ABCD4: variants seen among roughly 807,000 people sequenced by gnomAD.
The protein encoded by ABCD4 is lysosomal cobalamin transporter ABCD4.
In ABCD4, 53 loss-of-function variants were observed where a neutral mutation model predicts 86.3. The ratio of observed to expected loss-of-function variants is 0.61; its 90% CI spans 0.49 to 0.77. The LOEUF is 0.77. Among genes scored for constraint, ABCD4 ranks in the 30% least tolerant of loss-of-function variants. ABCD4 has a pLI of 0.00. For missense variants in ABCD4, 757 were observed against 764.5 expected, an observed-to-expected ratio of 0.99 and a Z score of 0.12; for synonymous variants, 328 against 313.6, an observed-to-expected ratio of 1.05 and a Z score of -0.49.
intron 6 of ABCD4, 21 bp downstream of exon 6, chr14:74,295,833 C>A: frequency 1.2e-6 from 2 of 1,613,320 alleles, no homozygotes; most frequent in Non-Finnish European, 1.7e-6. Context: ...AGCCCAGAAA[C>A]CTCAAGTGAG....
chr14:74,301,897 C>G (rs995532393), intron 1 of ABCD4, among the ~76,000 whole-genome samples: 10 of 151,332 alleles, frequency 6.6e-5, no homozygotes, highest in Admixed American at 1.3e-4. Context: ...AAAACTCCGT[C>G]TCAAAAGAAA....
rs1341721828 is a variant in ABCD4, at chr14:74,286,434, G to T, written c.*27C>A. 1 of 1,612,806 alleles carries T rather than the reference G, an allele frequency of 6.2e-7. No homozygotes were observed. The highest frequency in any genetic ancestry group is 2.2e-5 in the East Asian group (1 of 44,872). The stretch of plus-strand genomic sequence containing the variant: ...CTGAGGGCCGCCGACCCGCCACAGT[G>T]TGGCTCTCCTTCCAAAAGCCAGAGC... On this transcript the variant is annotated 3_prime_UTR_variant, in exon 19 of 19. Transcript: ENST00000356924.
At chr14:74,296,262 G>T in intron 5 of ABCD4, 71 bp downstream of exon 5, 1 of 1,468,016 alleles carries the variant, frequency 6.8e-7, no homozygotes, top group South Asian at 1.1e-5. Context: ...GCTTCTCTTG[G>T]ACCTTGACCT....
Position 74,287,813 on chromosome 14 carries a change from C to T in ABCD4, c.1633G>A (p.Ala545Thr), listed in dbSNP as rs754370477. The change falls in exon 17 of 19, where the codon GCA becomes ACA. Residue 545 changes from alanine to threonine, a missense_variant. Coordinates refer to ENST00000356924, the MANE Select transcript of ABCD4 (RefSeq NM_005050.4). ...ARLFYLQPKY[A>T]VLDEATSALT... ...CAGCCACAAGGCGAGACCTCACCTG[C>T]GTACTTCGGCTGCAGGTAGAAGAGT... 20 of 1,610,918 alleles carry T rather than the reference C, an allele frequency of 1.2e-5. No homozygotes were observed. Among genetic ancestry groups the T allele is most frequent in the Middle Eastern group, 3.3e-4 (2 of 6,076 alleles).
chr14:74,302,483 G>T (rs2084903658), intron 1 of ABCD4, among the ~76,000 whole-genome samples: 1 of 152,240 alleles, frequency 6.6e-6, no homozygotes, highest in African/African-American at 2.4e-5. Context: ...AGTGAAAGGG[G>T]TCTGGGAATA....
At position 74,293,217 on chromosome 14, in the gene ABCD4, G is replaced by C; in HGVS notation, c.751C>G (p.Arg251Gly). ...AGHVEHMRTD[R>G]RLQRLLQTQR... ...GTCTGAAGGAGTCTCTGCAGCCTGC[G>C]GTCTGTCCTCATGTGCTCCACATGC... is the stretch of plus-strand genomic sequence containing the variant. Residue 251 changes from arginine (R) to glycine (G), a missense_variant, in exon 8 of 19, where the codon CGC becomes GGC. Coordinates refer to ENST00000356924, the MANE Select transcript of ABCD4 (RefSeq NM_005050.4). The C allele has an allele frequency of 6.2e-7, 1 of 1,614,146 alleles. No homozygotes were observed. The highest frequency in any genetic ancestry group is 8.5e-7 in the Non-Finnish European group (1 of 1,180,036).
At chr14:74,289,584 C>T in intron 13 of ABCD4, 65 bp from the exon 14 acceptor site, 1 of 1,591,498 alleles carries the variant, frequency 6.3e-7, no homozygotes, top group South Asian at 1.1e-5. Flanking sequence ...GCACACAGCC[C>T]ACCCTCCCTC....
rs761542324 is a variant in ABCD4 at position 74,286,716 on chromosome 14, C to T, written c.1737G>A (p.Arg579=). ...GCACGGGTACCTTCTCAAGGCTCTG[C>T]CGATGTCCCACACTGATGAACGTCA... ...LGMTFISVGH[R]QSLEKFHSLV... Residue 579 remains arginine (R), a synonymous_variant, in exon 18 of 19, where the codon CGG becomes CGA. Transcript: ENST00000356924. The T allele has an allele frequency of 5.0e-5, 80 of 1,614,008 alleles. 2 individuals are homozygous for T. The South Asian group carries it at 8.5e-4, about 17-fold the overall frequency.
In ABCD4 at chr14:74,290,436, G is replaced by A. The variant is rs768762298; in HGVS notation, c.1182C>T (p.Ile394=). 27 of 1,614,010 alleles carry A rather than the reference G, an allele frequency of 1.7e-5. No individual in the cohort carries two copies. In the Middle Eastern group the frequency reaches 1.3e-3, roughly 79 times the overall value. ...GGGGTTTGTCAGAGGAGGGGGCAGA[G>A]ATGGAGACCCGCTCAAGGAGAAATG... ...DTAFLLERVS[I]SAPSSDKPLI... The change falls in exon 12 of 19, where the codon ATC becomes ATT. Residue 394 remains isoleucine, a synonymous_variant. Transcript: ENST00000356924.
chr14:74,290,610 C>T, intron 11 of ABCD4, 111 bp from the exon 12 acceptor site: 1 of 775,778 alleles, frequency 1.3e-6, no homozygotes, highest in Admixed American at 2.0e-5. Context: ...GGCTGACTTG[C>T]ATCCTCCCAA....
At position 74,288,765 on chromosome 14, in the gene ABCD4, C is replaced by T. The variant is rs1315448287; in HGVS notation, c.1457G>A (p.Gly486Asp). Residue 486 changes from glycine to aspartate, a missense_variant and splice_region_variant, in exon 15 of 19, where the codon GGT becomes GAT. By Grantham distance (94) the Gly-to-Asp change is moderately conservative (BLOSUM62 -1). Coordinates refer to ENST00000356924, the MANE Select transcript of ABCD4 (RefSeq NM_005050.4). ...CAAGATCCTCTCATCATCGGCAGAA[C>T]CTGCACAACAAAGAAGCCTTCTGCA... ...YPLKEVYPDS[G>D]SADDERILRF... 6.2e-7 allele frequency: 1 copy of T among 1,613,360 alleles called. No individual in the cohort carries two copies. Among genetic ancestry groups the T allele is most frequent in the Admixed American group, 1.7e-5 (1 of 59,916 alleles).
At chr14:74,293,344 G>C in intron 7 of ABCD4, 96 bp from the exon 8 acceptor site, 2 of 1,128,224 alleles carry the variant, frequency 1.8e-6, no homozygotes, top group Non-Finnish European at 1.3e-6. Context: ...TAGAAACCAA[G>C]GCCATTCAAA....
intron 2 of ABCD4, 21 bp downstream of exon 2, chr14:74,300,129 A>T (rs772794125): frequency 7.0e-7 from 1 of 1,437,552 alleles, no homozygotes; most frequent in East Asian, 2.3e-5. Flanking sequence ...TCCCTCCTCT[A>T]GTCTGGGCTC....
chr14:74,297,863 T>C, intron 4 of ABCD4, 67 bp downstream of exon 4: 1 of 1,523,986 alleles, frequency 6.6e-7, no homozygotes, highest in Non-Finnish European at 8.8e-7. Context: ...CCACCAGCAG[T>C]CTCCAGGGCT....
chr14:74,299,445 C>T (rs2083732630), intron 3 of ABCD4, 103 bp downstream of exon 3: 1 of 1,441,568 alleles, frequency 6.9e-7, no homozygotes, highest in African/African-American at 1.4e-5. Flanking sequence ...GAAACACACC[C>T]CCACAGCTTG....
Position 74,286,281 on chromosome 14 carries a change from C to A in ABCD4, c.*180G>T. ...GAACACTGGGAGATTCAGTGTCCCC[C>A]ACAGAAACCTAGACCTGGGCTCAGC... On this transcript the variant is annotated 3_prime_UTR_variant, in exon 19 of 19. Transcript: ENST00000356924. The A allele has an allele frequency of 1.6e-6, 1 of 623,652 alleles. No homozygotes were observed. Among genetic ancestry groups the A allele is most frequent in the Non-Finnish European group, 2.8e-6 (1 of 358,760 alleles). The allele number at this position is 623,652 out of a possible 1,614,324, so 38.6% of individuals were successfully genotyped here.
At position 74,302,598 on chromosome 14, in the gene ABCD4, TC is replaced by T. The variant is rs538530917; in HGVS notation, c.38+276del. On this transcript the variant is annotated intron_variant, in intron 1 of 18. Coordinates refer to ENST00000356924, the MANE Select transcript of ABCD4 (RefSeq NM_005050.4). ...CTCAATTTTGTGCACCTGAGGTTCT[TC>T]TTTTCAAAAAAAGAATGCCAGTTGC... 7.7e-3 allele frequency among the ~76,000 whole-genome samples: 1,171 copies of T among 152,240 alleles called. 8 individuals are homozygous for T. The highest frequency in any genetic ancestry group is 0.027 in the African/African-American group (1,109 of 41,536).
intron 15 of ABCD4, 108 bp downstream of exon 15, chr14:74,288,608 G>A: frequency 7.6e-7 from 1 of 1,323,050 alleles, no homozygotes; most frequent in Middle Eastern, 1.8e-4. Context: ...TCCACCCCAG[G>A]TTCAGACTTC....
rs1297838804 is a variant in ABCD4, at chr14:74,292,376, T to G, written c.1029A>C (p.Arg343Ser). The stretch of plus-strand genomic sequence containing the variant: ...GAAGCGTCTCCCGAAGCTGCCCAAT[T>G]CTGAACAAGAAAAGAAAATCTGAGG... ...TLSDVAGYTHRIGQLRETLLD... is the reference protein window; with the variant it reads ...TLSDVAGYTHSIGQLRETLLD... Residue 343 changes from arginine (R) to serine (S), a missense_variant and splice_region_variant, in exon 11 of 19, where the codon AGA becomes AGC. Coordinates refer to ENST00000356924, the MANE Select transcript of ABCD4 (RefSeq NM_005050.4). 6.2e-7 allele frequency: 1 copy of G among 1,613,918 alleles called. No homozygotes were observed. The highest frequency in any genetic ancestry group is 1.7e-5 in the Admixed American group (1 of 60,004).
Sources: gnomAD v4.1 joint callset for allele counts (sites outside exome capture counted in the v4.1 genomes callset) on GRCh38, gnomAD v4.1.1 for gene constraint, MANE v1.5 for transcripts, NCBI Gene and HGNC (gene_info 2026-07-23, HGNC 2026-07-21) for gene names.